The following SEPHS1 variants were observed in gnomAD, a reference collection of about 807,000 sequenced individuals.
The protein encoded by SEPHS1 is zincore component SEPHS1.
A neutral mutation model predicts 39.2 loss-of-function variants in SEPHS1; 7 were observed. The ratio of observed to expected loss-of-function variants is 0.18; its 90% CI spans 0.10 to 0.34. The LOEUF (loss-of-function observed/expected upper bound fraction) is 0.34, where lower values mean the gene tolerates loss of function less well. Among genes scored for constraint, SEPHS1 ranks in the 10% least tolerant of loss-of-function variants. SEPHS1 has a pLI of 1.00. For missense variants in SEPHS1, 253 were observed against 514.5 expected (o/e 0.49, Z 4.92); for synonymous variants, 190 against 195.5 (o/e 0.97, Z 0.23).
chr10:13,324,030 G>A (rs1833189458), intron 7 of SEPHS1, among the ~76,000 whole-genome samples: 1 of 151,932 alleles, frequency 6.6e-6, no homozygotes, highest in Non-Finnish European at 1.5e-5. Context: ...GAGCAGTTTT[G>A]CGTTTAGAAA....
intron 5 of SEPHS1, among the ~76,000 whole-genome samples, chr10:13,332,535 T>C (rs1163225823): frequency 6.6e-6 from 1 of 152,192 alleles, no homozygotes; most frequent in Non-Finnish European, 1.5e-5. Flanking sequence ...ACGTGAATTA[T>C]ACTTCAACTA....
chr10:13,342,564 C>T (rs746076170), intron 2 of SEPHS1, among the ~76,000 whole-genome samples: 61 of 152,126 alleles, frequency 4.0e-4, no homozygotes, highest in South Asian at 1.5e-3. Flanking sequence ...CCAGCCTGGG[C>T]GACACAGTGA....
chr10:13,345,602 G>A (rs1833898664), intron 1 of SEPHS1: 1 of 152,240 alleles, frequency 6.6e-6, no homozygotes, highest in Admixed American at 6.5e-5. Context: ...ACAACACAAG[G>A]ATGGGCGTGG....
intron 8 of SEPHS1, chr10:13,322,081 A>C: frequency 2.2e-6 from 1 of 455,288 alleles, no homozygotes; most frequent in Non-Finnish European, 4.4e-6. Context: ...AAAAAAGAAA[A>C]ATGGCATTTT....
At chr10:13,341,652 G>C (rs1833789052) in intron 2 of SEPHS1, among the ~76,000 whole-genome samples, 1 of 152,102 alleles carries the variant, frequency 6.6e-6, no homozygotes, top group African/African-American at 2.4e-5. Context: ...CATTCAATTA[G>C]AAAAAAGTTA....
At chr10:13,324,160 G>A (rs921582013) in intron 7 of SEPHS1, among the ~76,000 whole-genome samples, 2 of 152,182 alleles carry the variant, frequency 1.3e-5, no homozygotes, top group African/African-American at 2.4e-5. Context: ...AGAATGTCAT[G>A]CAGTTGGAAT....
At chr10:13,337,182 T>G (rs1833662810) in intron 3 of SEPHS1, among the ~76,000 whole-genome samples, 2 of 152,116 alleles carry the variant, frequency 1.3e-5, no homozygotes, top group South Asian at 4.2e-4. Flanking sequence ...AAAAAAATTT[T>G]TGTAGCTTCT....
At position 13,322,974 on chromosome 10, in the gene SEPHS1, C is replaced by T. The variant is rs767989884; in HGVS notation, c.825G>A (p.Ala275=). 20 of 1,613,936 alleles carry T rather than the reference C, an allele frequency of 1.2e-5. No homozygotes were observed. Among genetic ancestry groups the T allele is most frequent in the East Asian group, 1.1e-4 (5 of 44,884 alleles). Residue 275 remains alanine (A), a synonymous_variant, in exon 8 of 9, where the codon GCG becomes GCA. Coordinates refer to ENST00000327347, the MANE Select transcript of SEPHS1 (RefSeq NM_012247.5). ...DITGFGILGH[A]QNLAKQQRNE... is the part of the protein sequence containing the mutation. ...TCCTCTGCTGCTTGGCCAGGTTCTG[C>T]GCATGGCCCAAAATCCCGAAGCCCG...
rs1303388956 is a variant in SEPHS1, at chr10:13,333,824, A to G, written c.553T>C (p.Phe185Leu). 6.2e-7 allele frequency: 1 copy of G among 1,613,006 alleles called. No individual in the cohort carries two copies. Residue 185 changes from phenylalanine (F) to leucine (L), a missense_variant, in exon 5 of 9, where the codon TTT becomes CTT. By Grantham distance (22) the Phe-to-Leu change is conservative (BLOSUM62 0). Around this residue, in one of 4 missense-constraint regions of SEPHS1, gnomAD observed 107 missense variants for 257.1 expected, o/e 0.42. Coordinates refer to ENST00000327347, the MANE Select transcript of SEPHS1 (RefSeq NM_012247.5). Reference sequence around the variant, plus strand: ...AAACAAAAATCAACTTACATGATAAATTCATTGGGTTGGCAGACAGTGGTA... The same window carrying G: ...AAACAAAAATCAACTTACATGATAAGTTCATTGGGTTGGCAGACAGTGGTA... ...VATTVCQPNE[F>L]IMPDNAVPGD...
chr10:13,328,378 T>G lies in SEPHS1; in HGVS notation c.724A>C (p.Met242Leu), dbSNP rs764345721. 1.1e-5 allele frequency: 18 copies of G among 1,613,658 alleles called. No individual in the cohort carries two copies. The highest frequency in any genetic ancestry group is 1.4e-5 in the Non-Finnish European group (17 of 1,179,694). ...DVELAYQEAM[M>L]NMARLNRTAA... ...GTCCTGTTGAGCCTCGCCATGTTCA[T>G]CATCGCCTCCTGGTAGGCCAGCTCT... Residue 242 changes from methionine to leucine, a missense_variant, in exon 7 of 9, where the codon ATG becomes CTG. Physicochemically the swap from Met to Leu is conservative, Grantham distance 15. Around this residue, in one of 4 missense-constraint regions of SEPHS1, gnomAD observed 107 missense variants for 257.1 expected, o/e 0.42. Coordinates refer to ENST00000327347, the MANE Select transcript of SEPHS1 (RefSeq NM_012247.5).
At chr10:13,322,031 T>C (rs1220188397) in intron 8 of SEPHS1, 7 of 455,392 alleles carry the variant, frequency 1.5e-5, no homozygotes, top group Non-Finnish European at 3.1e-5. Context: ...CCGTTTATCC[T>C]CCATTTATGT....
In SEPHS1 at chr10:13,320,744, C is replaced by T. The variant is rs142686167; in HGVS notation, c.965-1388G>A. Reference sequence around the variant, plus strand: ...TACTCGGGCTGAGGCAAGAGAATCGCTTGAACCGGGGAGGGGGAGGTTGCA... The same window carrying T: ...TACTCGGGCTGAGGCAAGAGAATCGTTTGAACCGGGGAGGGGGAGGTTGCA... On this transcript the variant is annotated intron_variant, in intron 8 of 8. Coordinates refer to ENST00000327347, the MANE Select transcript of SEPHS1 (RefSeq NM_012247.5). Among the ~76,000 whole-genome samples, 361 of 152,144 alleles carry T rather than the reference C, an allele frequency of 2.4e-3. 2 individuals carry two copies. Among genetic ancestry groups the T allele is most frequent in the African/African-American group, 8.4e-3 (347 of 41,532 alleles).
chr10:13,344,363 G>C (rs887343837), intron 2 of SEPHS1, among the ~76,000 whole-genome samples: 4 of 152,216 alleles, frequency 2.6e-5, no homozygotes, highest in Admixed American at 1.3e-4. Flanking sequence ...AAATTAAAAA[G>C]TTTTTACTGT....
chr10:13,328,204 A>C (rs1833360837), intron 7 of SEPHS1, 147 bp downstream of exon 7: 1 of 592,282 alleles, frequency 1.7e-6, no homozygotes, highest in Non-Finnish European at 3.0e-6. Flanking sequence ...GATCTATGGA[A>C]TGCCAACCTG....
chr10:13,338,196 G>C (rs550760652), intron 3 of SEPHS1, among the ~76,000 whole-genome samples: 1 of 152,218 alleles, frequency 6.6e-6, no homozygotes, highest in South Asian at 2.1e-4. Flanking sequence ...GGGTGTGCAA[G>C]TGGCTGGGTT....
rs1276291761 is a variant in SEPHS1, at chr10:13,348,134, G to C, written c.-213C>G. 2 of 144,206 alleles carry C rather than the reference G, an allele frequency of 1.4e-5. No homozygotes were observed. The highest frequency in any genetic ancestry group is 3.1e-5 in the Non-Finnish European group (2 of 65,146). The allele number at this position is 144,206 out of a possible 1,614,324, so 8.9% of individuals were successfully genotyped here. On this transcript the variant is annotated 5_prime_UTR_variant, in exon 1 of 9. Transcript: ENST00000327347. ...CGCCCGGCGGCGGCGGCGGCGGCGG[G>C]GGCCCGGGCCCGCGCCTGGGCGCCG...
chr10:13,335,835 C>T (rs1436119970), intron 4 of SEPHS1, among the ~76,000 whole-genome samples: 1 of 151,026 alleles, frequency 6.6e-6, no homozygotes, highest in East Asian at 1.9e-4. Flanking sequence ...CACAAAATAG[C>T]CAGGTGTGGT....
chr10:13,331,001 C>A (rs1290170316), intron 5 of SEPHS1, among the ~76,000 whole-genome samples: 2 of 152,068 alleles, frequency 1.3e-5, no homozygotes, highest in Non-Finnish European at 2.9e-5. Flanking sequence ...CTACCCCCGA[C>A]AGGCCCTGGT....
At chr10:13,347,897 C>G (rs1241719033) in intron 1 of SEPHS1, 103 bp downstream of exon 1, 1 of 146,278 alleles carries the variant, frequency 6.8e-6, no homozygotes, top group Non-Finnish European at 1.5e-5. Flanking sequence ...CCCCGGCGGT[C>G]CCGGGCGGCC....
Sources: allele counts gnomAD v4.1 joint callset (sites outside exome capture counted in the v4.1 genomes callset), GRCh38; gene constraint gnomAD v4.1.1; regional missense constraint gnomAD v4.1.1; transcripts MANE v1.5; gene names NCBI Gene and HGNC (gene_info 2026-07-23, HGNC 2026-07-21).